Variants in PTPRD observed in about 807,000 individuals in gnomAD.
The protein encoded by PTPRD is receptor-type tyrosine-protein phosphatase delta.
A neutral mutation model predicts 214.5 loss-of-function variants in PTPRD; 34 were observed. The observed-to-expected ratio is 0.16, with a 90% CI of 0.12 to 0.21. The LOEUF (loss-of-function observed/expected upper bound fraction) is 0.21. Ranked by LOEUF, PTPRD falls within the 10% of genes least tolerant of loss-of-function variation. The pLI, the probability that PTPRD is intolerant of heterozygous loss-of-function variation, is 1.00. For missense variants in PTPRD, 2,545 were observed against 2,398.7 expected (o/e 1.06, Z -1.27); for synonymous variants, 1,128 against 845.7 (o/e 1.33, Z -5.79).
chr9:8,730,393 G>T (rs2098643893), intron 12 of PTPRD, among the ~76,000 whole-genome samples: 1 of 152,110 alleles, frequency 6.6e-6, no homozygotes, highest in African/African-American at 2.4e-5. Context: ...GTAAATGGAT[G>T]AACTAAACCA....
At chr9:8,929,530 G>C (rs1036117496) in intron 11 of PTPRD, among the ~76,000 whole-genome samples, 1 of 151,844 alleles carries the variant, frequency 6.6e-6, no homozygotes, top group Admixed American at 6.6e-5. Context: ...TGCATCCCAA[G>C]TATGAAGCCG....
At chr9:10,553,443 A>C (rs2061793720) in intron 2 of PTPRD, among the ~76,000 whole-genome samples, 1 of 152,062 alleles carries the variant, frequency 6.6e-6, no homozygotes, top group Admixed American at 6.6e-5. Context: ...CTCATCCCTG[A>C]GTTGTATTCC....
chr9:8,346,171 C>G (rs569814400), intron 39 of PTPRD, among the ~76,000 whole-genome samples: 5 of 148,626 alleles, frequency 3.4e-5, no homozygotes, highest in African/African-American at 4.9e-5. Flanking sequence ...GCCTCTTACC[C>G]TGCAAAATAA....
At chr9:9,117,485 T>C (rs78057628) in intron 10 of PTPRD, among the ~76,000 whole-genome samples, 5,743 of 152,216 alleles carry the variant, frequency 0.038, 216 homozygotes, top group African/African-American at 0.088. Context: ...TATTTTAAAA[T>C]CATTTTATAA....
intron 10 of PTPRD, among the ~76,000 whole-genome samples, chr9:9,111,290 G>A (rs1407727058): frequency 7.3e-5 from 10 of 136,570 alleles, no homozygotes; most frequent in South Asian, 4.6e-4. Flanking sequence ...TCAGCTCTTA[G>A]TCTAATCCTC....
chr9:9,189,693 T>C (rs2099933916), intron 9 of PTPRD, among the ~76,000 whole-genome samples: 1 of 152,092 alleles, frequency 6.6e-6, no homozygotes, highest in Admixed American at 6.6e-5. Flanking sequence ...GCATTTTGCA[T>C]AAGCCTAGCA....
intron 7 of PTPRD, among the ~76,000 whole-genome samples, chr9:9,723,827 T>C (rs117593664): frequency 2.0e-3 from 312 of 152,262 alleles, no homozygotes; most frequent in Middle Eastern, 3.4e-3. Context: ...TACGAATGTA[T>C]AGAAATATCA....
chr9:9,450,488 G>A (rs1323949852), intron 8 of PTPRD, among the ~76,000 whole-genome samples: 1 of 151,762 alleles, frequency 6.6e-6, no homozygotes, highest in East Asian at 1.9e-4. Context: ...ATCTCACTGT[G>A]ATTTTGATTT....
chr9:9,247,770 GAT>G (rs777692965), intron 9 of PTPRD, among the ~76,000 whole-genome samples: 1 of 152,034 alleles, frequency 6.6e-6, no homozygotes, highest in Non-Finnish European at 1.5e-5. Flanking sequence ...AGATGTAAGA[GAT>G]ATATTCCAAT....
At chr9:8,499,905 T>C in intron 24 of PTPRD, 65 bp from the exon 25 acceptor site, 1 of 1,387,402 alleles carries the variant, frequency 7.2e-7, no homozygotes, top group Non-Finnish European at 9.7e-7. Context: ...GAGCATTTTC[T>C]GCATTTTCTT....
At chr9:8,833,266 G>T (rs1292559676) in intron 11 of PTPRD, among the ~76,000 whole-genome samples, 1 of 152,076 alleles carries the variant, frequency 6.6e-6, no homozygotes, top group Admixed American at 6.6e-5. Context: ...TTCCCAAGAG[G>T]TTATTAGCAT....
At chr9:8,774,208 G>A (rs1196356962) in intron 11 of PTPRD, among the ~76,000 whole-genome samples, 1 of 152,166 alleles carries the variant, frequency 6.6e-6, no homozygotes, top group African/African-American at 2.4e-5. Flanking sequence ...GATGATACTT[G>A]CATTTTCAAC....
At chr9:9,969,881 G>C (rs1368884925) in intron 4 of PTPRD, among the ~76,000 whole-genome samples, 1 of 152,162 alleles carries the variant, frequency 6.6e-6, no homozygotes, top group Non-Finnish European at 1.5e-5. Context: ...GCAGGAACTT[G>C]TATACATTTT....
chr9:10,340,083 A>C (rs1406015971), intron 3 of PTPRD, among the ~76,000 whole-genome samples: 2 of 151,842 alleles, frequency 1.3e-5, no homozygotes, highest in Non-Finnish European at 2.9e-5. Context: ...TCATCCAAAA[A>C]AATGCTAATT....
intron 3 of PTPRD, among the ~76,000 whole-genome samples, chr9:10,263,716 G>C (rs2475340): frequency 0.16 from 24,036 of 152,120 alleles, 2,026 homozygotes; most frequent in African/African-American, 0.2. Flanking sequence ...AAATTCAAGC[G>C]TGCTGCAGAA....
intron 12 of PTPRD, chr9:8,713,986 T>A: frequency 3.3e-6 from 2 of 603,952 alleles, no homozygotes; most frequent in Admixed American, 3.0e-5. Context: ...AGTGACTCAA[T>A]TTCAGGCTTT....
intron 7 of PTPRD, among the ~76,000 whole-genome samples, chr9:9,575,096 A>T (rs750304861): frequency 5.9e-5 from 9 of 152,174 alleles, no homozygotes; most frequent in Non-Finnish European, 1.3e-4. Flanking sequence ...TTTGCTAGAT[A>T]ACCTTCTCTG....
At chr9:9,703,738 A>T (rs1306327946) in intron 7 of PTPRD, among the ~76,000 whole-genome samples, 1 of 152,170 alleles carries the variant, frequency 6.6e-6, no homozygotes, top group Non-Finnish European at 1.5e-5. Flanking sequence ...ATACAAATTT[A>T]ATTTGCTCTT....
At chr9:9,864,736 A>T (rs2063562862) in intron 5 of PTPRD, among the ~76,000 whole-genome samples, 1 of 152,058 alleles carries the variant, frequency 6.6e-6, no homozygotes. Flanking sequence ...CTAGGCTTGA[A>T]CTGCTGGGCT....
Sources: gnomAD v4.1 joint callset for allele counts (sites outside exome capture counted in the v4.1 genomes callset) on GRCh38, gnomAD v4.1.1 for gene constraint, MANE v1.5 for transcripts, NCBI Gene and HGNC (gene_info 2026-07-23, HGNC 2026-07-21) for gene names.